Variants in PALLD observed in about 807,000 individuals in gnomAD.
The protein encoded by PALLD is palladin, cytoskeletal associated protein, also known as palladin.
A neutral mutation model predicts 123.5 loss-of-function variants in PALLD; 61 were observed. The ratio of observed to expected loss-of-function variants is 0.49; its 90% CI spans 0.40 to 0.61. The LOEUF (loss-of-function observed/expected upper bound fraction) is 0.61, where lower values mean the gene tolerates loss of function less well. Ranked by LOEUF, PALLD falls within the 20% of genes least tolerant of loss-of-function variation. The pLI is 0.00. For missense variants in PALLD, 1,273 were observed against 1,377.0 expected (o/e 0.92, Z 1.20); for synonymous variants, 465 against 496.4 (o/e 0.94, Z 0.84).
At chr4:168,556,222 A>G (rs1417588498) in intron 2 of PALLD, among the ~76,000 whole-genome samples, 1 of 151,958 alleles carries the variant, frequency 6.6e-6, no homozygotes, top group Admixed American at 6.5e-5. Context: ...CGGCCTCCAG[A>G]GTAGCTGGGA....
At chr4:168,751,022 T>C (rs1216029960) in intron 10 of PALLD, among the ~76,000 whole-genome samples, 1 of 151,750 alleles carries the variant, frequency 6.6e-6, no homozygotes, top group East Asian at 1.9e-4. Flanking sequence ...GTGTATTTTT[T>C]TTTTTTTGAG....
Position 168,877,673 on chromosome 4 carries a change from G to A in PALLD, c.1965-13249G>A, listed in dbSNP as rs557687347. The stretch of plus-strand genomic sequence containing the variant: ...AGCTGAGCTCACTCCTGGAATACAC[G>A]TTCCTGGCCGTTCCATCTCTGAAGG... On this transcript the variant is annotated intron_variant, in intron 10 of 21. Transcript: ENST00000505667. The A allele has an allele frequency of 3.1e-6, 3 of 975,870 alleles. No individual in the cohort carries two copies. The South Asian group carries it at 1.5e-4, about 48-fold the overall frequency. The allele number at this position is 975,870 out of a possible 1,614,324, so 60.5% of individuals were successfully genotyped here.
chr4:168,832,963 G>A (rs1338573313), intron 10 of PALLD: 1 of 152,222 alleles, frequency 6.6e-6, no homozygotes, highest in African/African-American at 2.4e-5. Flanking sequence ...CCACGCGTGG[G>A]TTCCCGGCCA....
At chr4:168,764,754 C>G (rs1249744528) in intron 10 of PALLD, among the ~76,000 whole-genome samples, 1 of 152,104 alleles carries the variant, frequency 6.6e-6, no homozygotes, top group Non-Finnish European at 1.5e-5. Context: ...CAAAGACTTG[C>G]TTAGAGATGA....
In PALLD at chr4:168,543,716, C is replaced by T. The variant is rs143956868; in HGVS notation, c.908+31304C>T. 2.6e-3 allele frequency among the ~76,000 whole-genome samples: 391 copies of T among 152,272 alleles called. No individual in the cohort carries two copies. The Middle Eastern group carries it at 0.051, about 20-fold the overall frequency. On this transcript the variant is annotated intron_variant, in intron 2 of 21. Coordinates refer to ENST00000505667, the MANE Select transcript of PALLD (RefSeq NM_001166108.2). ...CAACCAGCCAAGCTGGGAAAAGATA[C>T]CCCACCTTATAGACACTATTGGCTC...
intron 10 of PALLD, among the ~76,000 whole-genome samples, chr4:168,814,959 C>T (rs1312450273): frequency 2.6e-5 from 4 of 151,974 alleles, no homozygotes; most frequent in South Asian, 2.1e-4. Flanking sequence ...TTAGTAGAGA[C>T]GGGGTTTCAC....
At chr4:168,520,556 T>C (rs1340637880) in intron 2 of PALLD, among the ~76,000 whole-genome samples, 1 of 152,200 alleles carries the variant, frequency 6.6e-6, no homozygotes, top group East Asian at 1.9e-4. Flanking sequence ...GAAAACTAGC[T>C]ATGCCTCTGC....
chr4:168,687,496 T>G (rs538973322), intron 6 of PALLD, among the ~76,000 whole-genome samples: 1 of 152,302 alleles, frequency 6.6e-6, no homozygotes, highest in South Asian at 2.1e-4. Flanking sequence ...TGTTGTCCAA[T>G]GTATTGGTAT....
intron 10 of PALLD, among the ~76,000 whole-genome samples, chr4:168,788,767 G>A (rs1430431429): frequency 6.6e-6 from 1 of 152,036 alleles, no homozygotes. Context: ...TCATATTGCT[G>A]TGAACCTAAA....
chr4:168,699,978 C>T, intron 8 of PALLD: 1 of 203,930 alleles, frequency 4.9e-6, no homozygotes, highest in Non-Finnish European at 1.0e-5. Flanking sequence ...CATAAGCAGT[C>T]ATTTTCTGAT....
intron 10 of PALLD, among the ~76,000 whole-genome samples, chr4:168,799,043 T>C (rs751879950): frequency 9.2e-5 from 14 of 152,094 alleles, no homozygotes; most frequent in Non-Finnish European, 1.9e-4. Flanking sequence ...AACAAATTTA[T>C]AGACAAAAAA....
chr4:168,552,091 T>C (rs909386675), intron 2 of PALLD, among the ~76,000 whole-genome samples: 2 of 152,196 alleles, frequency 1.3e-5, no homozygotes, highest in Non-Finnish European at 2.9e-5. Context: ...TCTAGTGTCA[T>C]TGGCCCAATT....
chr4:168,681,335 C>T lies in PALLD; in HGVS notation c.1091C>T (p.Ala364Val). 1 of 1,593,192 alleles carries T rather than the reference C, an allele frequency of 6.3e-7. No homozygotes were observed. The highest frequency in any genetic ancestry group is 1.7e-5 in the Admixed American group (1 of 59,958). The change falls in exon 4 of 22, where the codon GCC (alanine) becomes GTC (valine). Residue 364 changes from alanine to valine, a missense_variant. By Grantham distance (64) the Ala-to-Val change is moderately conservative. Transcript: ENST00000505667. ...TTSAEVFIEG[A>V]SSTDSDSESL... The stretch of plus-strand genomic sequence containing the variant: ...ATTATCTTTAATACTTTCCCAGGTG[C>T]CAGTTCAACAGATTCTGACAGTGAA...
intron 2 of PALLD, among the ~76,000 whole-genome samples, chr4:168,563,833 T>G (rs1228608545): frequency 6.6e-6 from 1 of 152,240 alleles, no homozygotes; most frequent in Non-Finnish European, 1.5e-5. Context: ...GAAGCAACTC[T>G]AGTTCTGTGG....
At chr4:168,567,866 G>C (rs2149597568) in intron 2 of PALLD, among the ~76,000 whole-genome samples, 1 of 151,838 alleles carries the variant, frequency 6.6e-6, no homozygotes, top group African/African-American at 2.4e-5. Flanking sequence ...TGGGTGATGG[G>C]TATACTAAAA....
intron 3 of PALLD, among the ~76,000 whole-genome samples, chr4:168,676,751 T>G (rs1320105779): frequency 6.6e-6 from 1 of 151,318 alleles, no homozygotes; most frequent in Non-Finnish European, 1.5e-5. Flanking sequence ...TTTTTTTTTT[T>G]TGTAGTTTTA....
chr4:168,871,514 A>G (rs1488409434), intron 10 of PALLD, among the ~76,000 whole-genome samples: 1 of 152,206 alleles, frequency 6.6e-6, no homozygotes, highest in Non-Finnish European at 1.5e-5. Flanking sequence ...TTCTTCAAAA[A>G]TGTACTTTGT....
At chr4:168,725,011 A>T (rs1786404439) in intron 10 of PALLD, among the ~76,000 whole-genome samples, 1 of 152,192 alleles carries the variant, frequency 6.6e-6, no homozygotes, top group Admixed American at 6.5e-5. Context: ...GCTCTGCTCC[A>T]TTTCACAATG....
chr4:168,591,667 T>A (rs1771447804), intron 2 of PALLD, among the ~76,000 whole-genome samples: 1 of 152,224 alleles, frequency 6.6e-6, no homozygotes, highest in South Asian at 2.1e-4. Flanking sequence ...TATTTCTATA[T>A]AATATTGATG....
Sources: allele counts gnomAD v4.1 joint callset (sites outside exome capture counted in the v4.1 genomes callset), GRCh38; gene constraint gnomAD v4.1.1; transcripts MANE v1.5; gene names NCBI Gene and HGNC (gene_info 2026-07-23, HGNC 2026-07-21).